The following ANO3 variants were observed in gnomAD, a reference collection of about 807,000 sequenced individuals.
ANO3 encodes anoctamin-3.
Under a neutral mutation model 144.8 loss-of-function variants are expected in ANO3, and 99 were observed. The observed-to-expected ratio is 0.68, with a 90% CI of 0.58 to 0.81. The LOEUF (loss-of-function observed/expected upper bound fraction) is 0.81. Ranked by LOEUF, ANO3 falls within the 30% of genes least tolerant of loss-of-function variation. ANO3 has a pLI of 0.00. For missense variants in ANO3, 905 were observed against 1,202.2 expected, an observed-to-expected ratio of 0.75 and a Z score of 3.66; for synonymous variants, 414 against 392.6, an observed-to-expected ratio of 1.05 and a Z score of -0.64.
At chr11:26,284,342 G>A (rs1213945922) in intron 1 of ANO3, among the ~76,000 whole-genome samples, 1 of 152,156 alleles carries the variant, frequency 6.6e-6, no homozygotes, top group Non-Finnish European at 1.5e-5. Flanking sequence ...TTCCTAATGG[G>A]TTGAACGGGA....
At chr11:26,373,479 T>C (rs575967719) in intron 1 of ANO3, among the ~76,000 whole-genome samples, 1 of 152,318 alleles carries the variant, frequency 6.6e-6, no homozygotes, top group Non-Finnish European at 1.5e-5. Flanking sequence ...CATGTGAAAC[T>C]GTGTGTCAAT....
intron 1 of ANO3, among the ~76,000 whole-genome samples, chr11:26,419,614 C>A (rs1010940008): frequency 1.3e-5 from 2 of 151,958 alleles, no homozygotes; most frequent in African/African-American, 4.8e-5. Context: ...CTGAACAAGA[C>A]AAACATGAAT....
chr11:26,455,080 A>G (rs1472123931), intron 3 of ANO3, among the ~76,000 whole-genome samples: 11 of 152,154 alleles, frequency 7.2e-5, no homozygotes, highest in Non-Finnish European at 1.5e-4. Context: ...ATCTCAAAAT[A>G]ATAAGAGCTA....
intron 14 of ANO3, among the ~76,000 whole-genome samples, chr11:26,567,355 A>G (rs1389896688): frequency 4.0e-5 from 6 of 151,864 alleles, no homozygotes; most frequent in Non-Finnish European, 8.8e-5. Flanking sequence ...AAAAGGGAGG[A>G]GGTACAAGTG....
Position 26,643,279 on chromosome 11 carries a change from A to G in ANO3, c.2373A>G (p.Ala791=), listed in dbSNP as rs141587028. The change falls in exon 23 of 27, where the codon GCA becomes GCG. Residue 791 remains alanine (A), a synonymous_variant. Coordinates refer to ENST00000256737, the MANE Select transcript of ANO3 (RefSeq NM_031418.4). ...ATATCATTGAAATCAGGCTGGATGC[A>G]TACAAATTTGTCACTCAATGGCGGA... is the stretch of plus-strand genomic sequence containing the variant. ...LNNIIEIRLD[A]YKFVTQWRRP... The G allele has an allele frequency of 1.2e-6, 2 of 1,614,170 alleles. No individual in the cohort carries two copies. The highest frequency in any genetic ancestry group is 1.7e-6 in the Non-Finnish European group (2 of 1,180,024).
At chr11:26,278,914 C>T (rs528058487) in intron 1 of ANO3, among the ~76,000 whole-genome samples, 8 of 152,142 alleles carry the variant, frequency 5.3e-5, no homozygotes, top group African/African-American at 9.6e-5. Context: ...TTGTATACTA[C>T]GATTCTTTTA....
upstream of ANO3, among the ~76,000 whole-genome samples, chr11:26,330,459 C>T (rs948771147): frequency 6.6e-6 from 1 of 152,132 alleles, no homozygotes; most frequent in Non-Finnish European, 1.5e-5. Context: ...TGCCTGCATA[C>T]TGAGCTCTTA....
chr11:26,242,363 T>C (rs1006341133), intron 1 of ANO3, among the ~76,000 whole-genome samples: 6 of 152,196 alleles, frequency 3.9e-5, no homozygotes, highest in Non-Finnish European at 7.4e-5. Flanking sequence ...AGATTTGCCC[T>C]GTCCATTTTA....
chr11:26,603,683 T>G (rs2132943156), intron 17 of ANO3, among the ~76,000 whole-genome samples: 1 of 152,292 alleles, frequency 6.6e-6, no homozygotes, highest in South Asian at 2.1e-4. Context: ...GTCTCCTGGA[T>G]TTTGAAACTT....
At chr11:26,211,710 G>A (rs981860507) in intron 1 of ANO3, among the ~76,000 whole-genome samples, 1 of 152,134 alleles carries the variant, frequency 6.6e-6, no homozygotes, top group African/African-American at 2.4e-5. Flanking sequence ...CCCATTACTG[G>A]ATATATACCC....
At chr11:26,477,166 A>G (rs982156654) in intron 4 of ANO3, among the ~76,000 whole-genome samples, 4 of 152,122 alleles carry the variant, frequency 2.6e-5, no homozygotes, top group African/African-American at 9.7e-5. Context: ...AACAGTGGAT[A>G]TGAAATGAAT....
Position 26,600,098 on chromosome 11 carries a change from G to A in ANO3, c.1836+384G>A, listed in dbSNP as rs145565962. ...ATGGGAAAACTTGTTGGAAAGATAT[G>A]GGAAAATCTTTTTGAAAGCGAAGTA... On this transcript the variant is annotated intron_variant, in intron 17 of 26. Transcript: ENST00000256737. Among the ~76,000 whole-genome samples, 83 of 152,084 alleles carry A rather than the reference G, an allele frequency of 5.5e-4. No individual in the cohort carries two copies. The Middle Eastern group carries it at 0.014, about 25-fold the overall frequency.
chr11:26,291,633 G>C (rs576357486), intron 1 of ANO3, among the ~76,000 whole-genome samples: 2 of 152,240 alleles, frequency 1.3e-5, no homozygotes, highest in African/African-American at 2.4e-5. Context: ...GCATTTGCTT[G>C]TCTATAAAGG....
At chr11:26,646,715 C>T (rs531355689) in intron 23 of ANO3, among the ~76,000 whole-genome samples, 21 of 152,082 alleles carry the variant, frequency 1.4e-4, no homozygotes, top group Middle Eastern at 3.4e-3. Flanking sequence ...CTAGGTTTAT[C>T]TTATTAACAT....
intron 12 of ANO3, 35 bp from the exon 13 acceptor site, chr11:26,553,214 G>GTTTTT: frequency 8.3e-7 from 1 of 1,208,698 alleles, no homozygotes; most frequent in Non-Finnish European, 1.2e-6. Context: ...TTCATGCTAT[G>GTTTTT]TTTTGTTTTG....
chr11:26,539,707 T>G (rs1396485686), intron 10 of ANO3, among the ~76,000 whole-genome samples: 1 of 152,182 alleles, frequency 6.6e-6, no homozygotes, highest in African/African-American at 2.4e-5. Context: ...TCAAGGAATA[T>G]TCTGATGAGC....
intron 21 of ANO3, among the ~76,000 whole-genome samples, chr11:26,640,030 G>A (rs1350257520): frequency 2.0e-5 from 3 of 151,878 alleles, no homozygotes; most frequent in Non-Finnish European, 4.4e-5. Context: ...TTTTCTTGTG[G>A]TGGTACATAT....
chr11:26,202,516 G>A (rs565258423), intron 1 of ANO3, among the ~76,000 whole-genome samples: 1 of 151,650 alleles, frequency 6.6e-6, no homozygotes, highest in East Asian at 1.9e-4. Context: ...TGAATGATGT[G>A]TTGTGGAAAC....
At position 26,403,400 on chromosome 11, in the gene ANO3, A is replaced by G. The variant is rs79017984; in HGVS notation, c.47-38518A>G. ...AATTGAGACTCAATTAGGTTCAAGT[A>G]TATATACAAAGCCAAATAAAATGTG... On this transcript the variant is annotated intron_variant, in intron 1 of 26. Coordinates refer to ENST00000256737, the MANE Select transcript of ANO3 (RefSeq NM_031418.4). Among the ~76,000 whole-genome samples, 1,444 of 152,062 alleles carry G rather than the reference A, an allele frequency of 9.5e-3. 18 individuals carry two copies. Among genetic ancestry groups the G allele is most frequent in the African/African-American group, 0.032 (1,334 of 41,540 alleles).
Sources: gnomAD v4.1 joint callset for allele counts (sites outside exome capture counted in the v4.1 genomes callset) on GRCh38, gnomAD v4.1.1 for gene constraint, MANE v1.5 for transcripts, NCBI Gene and HGNC (gene_info 2026-07-23, HGNC 2026-07-21) for gene names.